Variants in PHF2 observed in about 807,000 individuals in gnomAD.
PHF2 encodes PHD finger protein 2.
A neutral mutation model predicts 120.5 loss-of-function variants in PHF2; 27 were observed. The observed-to-expected ratio is 0.22, with a 90% CI of 0.17 to 0.31. The LOEUF (loss-of-function observed/expected upper bound fraction) is 0.31. PHF2 is among the 10% of genes least tolerant of loss of function. The pLI, the probability that PHF2 is intolerant of heterozygous loss-of-function variation, is 1.00. For missense variants in PHF2, 1,024 were observed against 1,434.8 expected (o/e 0.71, Z 4.63); for synonymous variants, 568 against 592.5 (o/e 0.96, Z 0.60).
At position 93,673,880 on chromosome 9, in the gene PHF2, G is replaced by A. The variant is rs369709048; in HGVS notation, c.2626+18G>A. 11 of 1,566,674 alleles carry A rather than the reference G, an allele frequency of 7.0e-6. 1 individual carries two copies. Among genetic ancestry groups the A allele is most frequent in the East Asian group, 6.8e-5 (3 of 44,060 alleles). On this transcript the variant is annotated intron_variant, in intron 18 of 21. Coordinates refer to ENST00000359246, the MANE Select transcript of PHF2 (RefSeq NM_005392.4). ...AGACTACGGTGAGTGTCACTCCTGCGTGGGGCAGGGCCCATGCTCAGCCCT... is the reference window on the plus strand; with the variant it reads ...AGACTACGGTGAGTGTCACTCCTGCATGGGGCAGGGCCCATGCTCAGCCCT...
chr9:93,639,181 A>G (rs1232722329), intron 3 of PHF2, among the ~76,000 whole-genome samples: 2 of 152,194 alleles, frequency 1.3e-5, no homozygotes, highest in Non-Finnish European at 2.9e-5. Context: ...CCATCTTAAC[A>G]GTGTTAAAAC....
chr9:93,609,898 C>G (rs1447011922), intron 1 of PHF2, among the ~76,000 whole-genome samples: 1 of 152,028 alleles, frequency 6.6e-6, no homozygotes, highest in Non-Finnish European at 1.5e-5. Context: ...GGTTTCACCA[C>G]GTTGGCGAGG....
intron 18 of PHF2, 129 bp downstream of exon 18, chr9:93,673,991 C>T: frequency 9.8e-7 from 1 of 1,019,022 alleles, no homozygotes; most frequent in Admixed American, 3.2e-5. Flanking sequence ...AAACCCTCGG[C>T]CTCTGACTGC....
chr9:93,592,698 T>C (rs953824187), intron 1 of PHF2, among the ~76,000 whole-genome samples: 1 of 152,164 alleles, frequency 6.6e-6, no homozygotes, highest in African/African-American at 2.4e-5. Flanking sequence ...AGCTGATGTC[T>C]GCCACCTGCA....
chr9:93,662,533 CGGAT>C (rs138382841), intron 12 of PHF2, among the ~76,000 whole-genome samples: 5,137 of 111,860 alleles, frequency 0.046, 113 homozygotes, highest in Middle Eastern at 0.098. Flanking sequence ...GATGGGTGGG[CGGAT>C]GGATGGATGG....
chr9:93,618,279 C>T lies in PHF2; in HGVS notation c.99-11691C>T, dbSNP rs531103237. Among the ~76,000 whole-genome samples, 11 of 152,388 alleles carry T rather than the reference C, an allele frequency of 7.2e-5. 1 individual carries two copies. In the East Asian group the frequency reaches 1.9e-3, roughly 27 times the overall value. ...AACACACAGCCCTCCACCCCATTCT[C>T]ACCACTGGGGCCCCCCAGGGGCAAG... On this transcript the variant is annotated intron_variant, in intron 1 of 21. Transcript: ENST00000359246.
At chr9:93,592,600 T>G (rs1825249323) in intron 1 of PHF2, among the ~76,000 whole-genome samples, 1 of 152,158 alleles carries the variant, frequency 6.6e-6, no homozygotes, top group Non-Finnish European at 1.5e-5. Flanking sequence ...CGCTCAGTGT[T>G]CAGAGGCTCT....
At chr9:93,626,711 T>C (rs1226200956) in intron 1 of PHF2, among the ~76,000 whole-genome samples, 1 of 152,268 alleles carries the variant, frequency 6.6e-6, no homozygotes, top group African/African-American at 2.4e-5. Flanking sequence ...TTTATAATTT[T>C]AGCTCATATT....
intron 1 of PHF2, among the ~76,000 whole-genome samples, chr9:93,588,075 G>A (rs996264492): frequency 3.9e-5 from 6 of 152,186 alleles, no homozygotes; most frequent in African/African-American, 1.2e-4. Flanking sequence ...CTGGACTGTC[G>A]TGTGTCTGTG....
intron 4 of PHF2, among the ~76,000 whole-genome samples, chr9:93,647,690 G>A (rs1381034459): frequency 6.6e-6 from 1 of 152,126 alleles, no homozygotes; most frequent in African/African-American, 2.4e-5. Context: ...AGGAGTTCGA[G>A]ACCAGCCTGG....
At chr9:93,642,891 T>C (rs13440115) in intron 3 of PHF2, among the ~76,000 whole-genome samples, 27,799 of 152,212 alleles carry the variant, frequency 0.18, 2,769 homozygotes, top group African/African-American at 0.27. Flanking sequence ...ATTTTGATCA[T>C]TGTATTTTTT....
chr9:93,616,940 G>A (rs1272219649), intron 1 of PHF2, among the ~76,000 whole-genome samples: 1 of 152,152 alleles, frequency 6.6e-6, no homozygotes, highest in Non-Finnish European at 1.5e-5. Context: ...ACAGGTATGA[G>A]CCACTGCACC....
intron 1 of PHF2, among the ~76,000 whole-genome samples, chr9:93,629,160 C>G (rs1049701775): frequency 3.3e-5 from 5 of 152,178 alleles, no homozygotes; most frequent in Non-Finnish European, 5.9e-5. Context: ...CTCGGCCTCT[C>G]AAAGTGCTGG....
chr9:93,638,475 A>G (rs1826126604), intron 3 of PHF2, among the ~76,000 whole-genome samples: 1 of 152,154 alleles, frequency 6.6e-6, no homozygotes, highest in Middle Eastern at 3.2e-3. Flanking sequence ...TAAGGATTGA[A>G]CTTCATTTTT....
At chr9:93,659,464 A>G (rs1254740525) in intron 10 of PHF2, 47 bp from the exon 11 acceptor site, 1 of 1,509,794 alleles carries the variant, frequency 6.6e-7, no homozygotes, top group Non-Finnish European at 9.2e-7. Context: ...GTAAGTCAGG[A>G]CCACGGGAGG....
chr9:93,590,413 T>C (rs1825193047), intron 1 of PHF2, among the ~76,000 whole-genome samples: 1 of 152,108 alleles, frequency 6.6e-6, no homozygotes, highest in Admixed American at 6.5e-5. Flanking sequence ...CCTTCCACTC[T>C]CTCCCACTCC....
In PHF2 at chr9:93,677,755, C is replaced by A; in HGVS notation, c.*79C>A. The A allele has an allele frequency of 1.9e-6, 2 of 1,058,310 alleles. No homozygotes were observed. Among genetic ancestry groups the A allele is most frequent in the Non-Finnish European group, 2.9e-6 (2 of 696,276 alleles). The allele number at this position is 1,058,310 out of a possible 1,614,324, so 65.6% of individuals were successfully genotyped here. ...AAAACATCTGCCTCCCAGGAGGGTG[C>A]CGAGCTGCCTCACCAGGGAGGGCCT... On this transcript the variant is annotated 3_prime_UTR_variant, in exon 22 of 22. Coordinates refer to ENST00000359246, the MANE Select transcript of PHF2 (RefSeq NM_005392.4). This position sits in a 1 kb window ranked among gnomAD's most constrained non-coding sequence, Gnocchi z 4.4.
chr9:93,581,808 T>C (rs1862935140), intron 1 of PHF2, among the ~76,000 whole-genome samples: 2 of 152,144 alleles, frequency 1.3e-5, no homozygotes, highest in Admixed American at 1.3e-4. Flanking sequence ...GCATCCTCTT[T>C]TATGGCTGTC....
chr9:93,671,038 T>TG, intron 17 of PHF2: 1 of 954,080 alleles, frequency 1.0e-6, no homozygotes, highest in Non-Finnish European at 1.2e-6. Context: ...GGTGCAGGTG[T>TG]GGGGGTAGGT....
Sources: gnomAD v4.1 joint callset for allele counts (sites outside exome capture counted in the v4.1 genomes callset) on GRCh38, gnomAD v4.1.1 for gene constraint, Gnocchi (gnomAD v3.1) non-coding constraint, MANE v1.5 for transcripts, NCBI Gene and HGNC (gene_info 2026-07-23, HGNC 2026-07-21) for gene names.